Variants in SPEN observed in about 807,000 individuals in gnomAD.
SPEN encodes the protein spen family transcriptional repressor.
In SPEN, 18 loss-of-function variants were observed where a neutral mutation model predicts 269.9. The observed-to-expected ratio is 0.07, with a 90% CI of 0.05 to 0.10. The LOEUF (loss-of-function observed/expected upper bound fraction) is 0.10, where lower values mean the gene tolerates loss of function less well. SPEN is among the 10% of genes least tolerant of loss of function. The pLI is 1.00. For synonymous variants in SPEN, 1,726 were observed against 1,765.7 expected, an observed-to-expected ratio of 0.98 and a Z score of 0.56; for missense variants, 3,822 against 4,631.2, an observed-to-expected ratio of 0.83 and a Z score of 5.07.
rs775916706 is a variant in SPEN, at chr1:15,938,759, C to T, written c.10746C>T (p.Gly3582=). 33 of 1,613,754 alleles carry T rather than the reference C, an allele frequency of 2.0e-5. No homozygotes were observed. The highest frequency in any genetic ancestry group is 2.7e-5 in the African/African-American group (2 of 74,846). ...GTCTGCTGCTGGCTCTGCCCTGTGG[C>T]CGTGACCAAGAGGATGTTGTGAGCC... ...DYCLLLALPC[G]RDQEDVVSQT... is the part of the protein sequence containing the mutation. The change falls in exon 14 of 15, where the codon GGC becomes GGT. Residue 3582 remains glycine (G), a synonymous_variant. Coordinates refer to ENST00000375759, the MANE Select transcript of SPEN (RefSeq NM_015001.3).
chr1:15,894,996 C>T (rs986962697), intron 3 of SPEN, among the ~76,000 whole-genome samples: 1 of 152,124 alleles, frequency 6.6e-6, no homozygotes, highest in Non-Finnish European at 1.5e-5. Context: ...GATCTTGGCT[C>T]ACCGCAAACT....
chr1:15,849,066 T>G (rs575042002), intron 1 of SPEN, among the ~76,000 whole-genome samples: 5 of 152,288 alleles, frequency 3.3e-5, no homozygotes, highest in African/African-American at 9.6e-5. Flanking sequence ...TTGAGTAGCG[T>G]GTAGTGCGTT....
At position 15,933,788 on chromosome 1, in the gene SPEN, A is replaced by G. The variant is rs752260034; in HGVS notation, c.7548A>G (p.Pro2516=). The part of the protein sequence containing the change: ...EEPRAQSTPS[P]ALPPDTKASD... ...CACGGGCTCAGTCTACTCCATCTCC[A>G]GCTCTTCCCCCAGACACAAAGGCCT... Residue 2516 remains proline (P), a synonymous_variant, in exon 11 of 15, where the codon CCA becomes CCG. Transcript: ENST00000375759. This position sits in a 1 kb window ranked among gnomAD's most constrained non-coding sequence, Gnocchi z 5.7. 1 of 1,613,556 alleles carries G rather than the reference A, an allele frequency of 6.2e-7. No individual in the cohort carries two copies. The highest frequency in any genetic ancestry group is 1.7e-5 in the Admixed American group (1 of 60,006).
chr1:15,897,338 G>A (rs1407825936), intron 3 of SPEN, among the ~76,000 whole-genome samples: 4 of 151,174 alleles, frequency 2.6e-5, no homozygotes, highest in African/African-American at 4.9e-5. Context: ...ACAGGCGTAC[G>A]CCATCATGCC....
Position 15,935,538 on chromosome 1 carries a change from A to G in SPEN, c.9298A>G (p.Met3100Val). Residue 3100 changes from methionine to valine, a missense_variant, in exon 11 of 15, where the codon ATG becomes GTG. Physicochemically the swap from Met to Val is conservative, Grantham distance 21 (BLOSUM62 1). Coordinates refer to ENST00000375759, the MANE Select transcript of SPEN (RefSeq NM_015001.3). The surrounding 1 kb of genome is among the most constrained non-coding windows in gnomAD (Gnocchi z 7.7). ...LSHLSQGEVR[M>V]NTPTLPSITY... ...CCACCTCTCCCAGGGCGAGGTGAGA[A>G]TGAACACTCCCACGCTGCCCAGTAT... 1 of 1,613,970 alleles carries G rather than the reference A, an allele frequency of 6.2e-7. No individual in the cohort carries two copies. The highest frequency in any genetic ancestry group is 8.5e-7 in the Non-Finnish European group (1 of 1,179,968).
rs1274692439 is a variant in SPEN at position 15,937,029 on chromosome 1, CCTT to C, written c.10027-131_10027-129del. The C allele has an allele frequency of 7.5e-7, 1 of 1,336,504 alleles. No homozygotes were observed. The highest frequency in any genetic ancestry group is 1.4e-5 in the South Asian group (1 of 70,690). 82.8% of individuals were successfully genotyped at this position (1,336,504 alleles called of 1,614,324 possible). Reference sequence around the variant, plus strand: ...GAAAGCAGCTCCGTTGATTCAGGCTCCTTCTGTGGGCCTGACTTAACGGGAGAT... The same window carrying C: ...GAAAGCAGCTCCGTTGATTCAGGCTCCTGTGGGCCTGACTTAACGGGAGAT... On this transcript the variant is annotated intron_variant, in intron 11 of 14. Transcript: ENST00000375759. The surrounding 1 kb of genome is among the most constrained non-coding windows in gnomAD (Gnocchi z 5.7).
At chr1:15,914,644 G>A (rs2071040203) in intron 5 of SPEN, among the ~76,000 whole-genome samples, 1 of 152,100 alleles carries the variant, frequency 6.6e-6, no homozygotes, top group Admixed American at 6.6e-5. Flanking sequence ...CCAACATGGC[G>A]AAACCCCGTC....
Position 15,931,001 on chromosome 1 carries a change from T to G in SPEN, c.4761T>G (p.Phe1587Leu), listed in dbSNP as rs1557759593. The G allele has an allele frequency of 1.2e-6, 2 of 1,614,094 alleles. No homozygotes were observed. Among genetic ancestry groups the G allele is most frequent in the Non-Finnish European group, 1.7e-6 (2 of 1,180,032 alleles). ...CAGTAGTTCTGTTCCATAGCAGATT[T>G]ATGGAGCTCACACGGATGCAACAGA... The part of the protein sequence containing the change: ...QEPVVLFHSR[F>L]MELTRMQQKE... Residue 1587 changes from phenylalanine (F) to leucine (L), a missense_variant, in exon 11 of 15, where the codon TTT becomes TTG. Phe to Leu is a conservative substitution (Grantham distance 22). Transcript: ENST00000375759. The surrounding 1 kb of genome is among the most constrained non-coding windows in gnomAD (Gnocchi z 4.8).
At position 15,868,856 on chromosome 1, in the gene SPEN, A is replaced by G. The variant is rs1373321661; in HGVS notation, c.84-3960A>G. Among the ~76,000 whole-genome samples the G allele has an allele frequency of 2.6e-5, 4 of 152,226 alleles. No individual in the cohort carries two copies. In the East Asian group the frequency reaches 7.7e-4, roughly 29 times the overall value. ...TAATTTATTTTAACTGACATGAGGT[A>G]TATGACATATTACAAATTTTACTGT... On this transcript the variant is annotated intron_variant, in intron 1 of 14. Coordinates refer to ENST00000375759, the MANE Select transcript of SPEN (RefSeq NM_015001.3).
chr1:15,870,905 C>G (rs974951407), intron 1 of SPEN, among the ~76,000 whole-genome samples: 2 of 152,172 alleles, frequency 1.3e-5, no homozygotes, highest in Non-Finnish European at 1.5e-5. Context: ...TACCAACGAA[C>G]TGAAAATTGT....
chr1:15,867,577 C>T (rs1342072323), intron 1 of SPEN, among the ~76,000 whole-genome samples: 1 of 152,048 alleles, frequency 6.6e-6, no homozygotes, highest in Non-Finnish European at 1.5e-5. Flanking sequence ...AAAAATGCTG[C>T]TATGAAAATA....
In SPEN at chr1:15,873,120, G is replaced by A. The variant is rs1557738802; in HGVS notation, c.388G>A (p.Glu130Lys). 9 of 1,611,704 alleles carry A rather than the reference G, an allele frequency of 5.6e-6. No homozygotes were observed. The highest frequency in any genetic ancestry group is 6.8e-6 in the Non-Finnish European group (8 of 1,178,190). ...ACTTCATGCACGAGAAGGACGTTAT[G>A]AGCGGAGACTTGATGGGTAAGTTCC... is the stretch of plus-strand genomic sequence containing the variant. ...PSLHAREGRYERRLDGASDNR... is the reference protein window; with the variant it reads ...PSLHAREGRYKRRLDGASDNR... Residue 130 changes from glutamate (E) to lysine (K), a missense_variant, in exon 2 of 15, where the codon GAG (glutamate) becomes AAG (lysine). This residue lies in a region of SPEN where 327 missense variants were observed against 350.8 expected (regional missense o/e 0.93). Coordinates refer to ENST00000375759, the MANE Select transcript of SPEN (RefSeq NM_015001.3).
In SPEN at chr1:15,920,851, T is replaced by C; in HGVS notation, c.1636-19T>C. ...AGTGGATGAGGCTCTTACTTGTTTTTTGTTTGTTTGTTTTACAGGTGGTGT... is the reference window on the plus strand; with the variant it reads ...AGTGGATGAGGCTCTTACTTGTTTTCTGTTTGTTTGTTTTACAGGTGGTGT... On this transcript the variant is annotated intron_variant, in intron 8 of 14. Coordinates refer to ENST00000375759, the MANE Select transcript of SPEN (RefSeq NM_015001.3). 6.6e-7 allele frequency: 1 copy of C among 1,514,082 alleles called. No homozygotes were observed. The highest frequency in any genetic ancestry group is 9.0e-7 in the Non-Finnish European group (1 of 1,107,594). The allele number at this position is 1,514,082 out of a possible 1,614,324, so 93.8% of individuals were successfully genotyped here.
At position 15,931,947 on chromosome 1, in the gene SPEN, A is replaced by G; in HGVS notation, c.5707A>G (p.Asn1903Asp). Residue 1903 changes from asparagine (N) to aspartate (D), a missense_variant, in exon 11 of 15, where the codon AAT (asparagine) becomes GAT (aspartate). By Grantham distance (23) the Asn-to-Asp change is conservative. This residue lies in a region of SPEN where 533 missense variants were observed against 618.8 expected (regional missense o/e 0.86). Coordinates refer to ENST00000375759, the MANE Select transcript of SPEN (RefSeq NM_015001.3). The surrounding 1 kb of genome is among the most constrained non-coding windows in gnomAD (Gnocchi z 4.8). ...GCCTCTCAGCCGAACAAGGCGCCGG[A>G]ATGTAAGGAGCGTCTATGCAACCAT... ...SLPLSRTRRRNVRSVYATMGD... is the reference protein window; with the variant it reads ...SLPLSRTRRRDVRSVYATMGD... The G allele has an allele frequency of 6.2e-7, 1 of 1,614,188 alleles. No individual in the cohort carries two copies. The highest frequency in any genetic ancestry group is 8.5e-7 in the Non-Finnish European group (1 of 1,180,016).
rs59491116 is a variant in SPEN, at chr1:15,859,443, C to T, written c.83+11293C>T. Among the ~76,000 whole-genome samples, 1,073 of 150,064 alleles carry T rather than the reference C, an allele frequency of 7.2e-3. 24 individuals carry two copies. The highest frequency in any genetic ancestry group is 0.025 in the African/African-American group (1,008 of 40,714). On this transcript the variant is annotated intron_variant, in intron 1 of 14. Coordinates refer to ENST00000375759, the MANE Select transcript of SPEN (RefSeq NM_015001.3). ...CGGGATCTCGGCTCACTGCAAGCTC[C>T]GCCTCCTGGGTTCACACCATTCTCC... is the stretch of plus-strand genomic sequence containing the variant.
At chr1:15,858,528 G>T (rs2070409294) in intron 1 of SPEN, among the ~76,000 whole-genome samples, 1 of 152,168 alleles carries the variant, frequency 6.6e-6, no homozygotes, top group African/African-American at 2.4e-5. Context: ...ATTGAGGTTT[G>T]CATAAGTACG....
intron 3 of SPEN, 148 bp from the exon 4 acceptor site, chr1:15,909,173 A>G: frequency 1.4e-6 from 1 of 697,702 alleles, no homozygotes. Context: ...CTCTGAAGGT[A>G]GAGTACGAGA....
At position 15,872,519 on chromosome 1, in the gene SPEN, GA is replaced by G. The variant is rs542748449; in HGVS notation, c.84-295del. Reference sequence around the variant, plus strand: ...GGAGGCTGAGGCAGGAGAATGGCGTGAACCCCAGAGGTGGAGCTTGCAGTGA... The same window carrying G: ...GGAGGCTGAGGCAGGAGAATGGCGTGACCCCAGAGGTGGAGCTTGCAGTGA... On this transcript the variant is annotated intron_variant, in intron 1 of 14. Transcript: ENST00000375759. Among the ~76,000 whole-genome samples, 49 of 150,358 alleles carry G rather than the reference GA, an allele frequency of 3.3e-4. 2 individuals are homozygous for G. The South Asian group carries it at 9.4e-3, about 29-fold the overall frequency.
chr1:15,860,493 T>C (rs1447404486), intron 1 of SPEN, among the ~76,000 whole-genome samples: 1 of 148,900 alleles, frequency 6.7e-6, no homozygotes, highest in Non-Finnish European at 1.5e-5. Flanking sequence ...GGTCCCACTG[T>C]ATTGCCCAGG....
Sources: gnomAD v4.1 joint callset for allele counts (sites outside exome capture counted in the v4.1 genomes callset) on GRCh38, gnomAD v4.1.1 for gene constraint, gnomAD v4.1.1 regional missense constraint, Gnocchi (gnomAD v3.1) non-coding constraint, MANE v1.5 for transcripts, NCBI Gene and HGNC (gene_info 2026-07-23, HGNC 2026-07-21) for gene names.